CFAP47: variants seen among roughly 807,000 people sequenced by gnomAD.
The protein encoded by CFAP47 is cilia- and flagella-associated protein 47.
Under a neutral mutation model 148.1 loss-of-function variants are expected in CFAP47, and 29 were observed. The ratio of observed to expected loss-of-function variants is 0.20; its 90% confidence interval spans 0.15 to 0.27. CFAP47 has a LOEUF of 0.27. Ranked by LOEUF, CFAP47 falls within the 10% of genes least tolerant of loss-of-function variation. The pLI, the probability that CFAP47 is intolerant of heterozygous loss-of-function variation, is 1.00. For missense variants in CFAP47, 1,872 were observed against 1,697.5 expected (o/e 1.10, Z -1.81); for synonymous variants, 664 against 577.3 (o/e 1.15, Z -2.15).
At chrX:35,949,170 T>TGTGTGTGTGTGTGG (rs1412012648) in intron 4 of CFAP47, among the ~76,000 whole-genome samples, 1 of 109,833 alleles carries the variant, frequency 9.1e-6, no homozygotes, top group Non-Finnish European at 1.9e-5. Flanking sequence ...TGTGTGTGTG[T>TGTGTGTGTGTGTGG]GTGTTCCGGC....
intron 21 of CFAP47, among the ~76,000 whole-genome samples, chrX:36,012,466 C>G (rs892128895): frequency 8.9e-6 from 1 of 111,958 alleles, no homozygotes; most frequent in Admixed American, 9.5e-5. Context: ...ACATATACAC[C>G]ATGGAATACT....
At chrX:36,327,008 A>G (rs966304702) in intron 57 of CFAP47, among the ~76,000 whole-genome samples, 1 of 111,716 alleles carries the variant, frequency 9.0e-6, no homozygotes, top group Admixed American at 9.5e-5. Flanking sequence ...AAATCCTACA[A>G]GAAAATCTAG....
At position 36,188,700 on chromosome X, in the gene CFAP47, T is replaced by G. The variant is rs1385345118; in HGVS notation, c.6175+10T>G. 3.4e-6 allele frequency: 1 copy of G among 295,737 alleles called. No individual in the cohort carries two copies. The highest frequency in any genetic ancestry group is 2.7e-5 in the African/African-American group (1 of 36,494). 24.4% of individuals were successfully genotyped at this position (295,737 alleles called of 1,213,427 possible). A position where few individuals can be genotyped will look rare whatever the true frequency, so the allele number is the denominator to read the frequency against. ...AATGTCTTACATACCTGTGAGTACC[T>G]AAATAAAAGTTTTTATTTGTTTTCA... On this transcript the variant is annotated intron_variant, in intron 41 of 63. Transcript: ENST00000378653.
In CFAP47 at chrX:36,236,080, A is replaced by G; in HGVS notation, c.7158+3A>G. 2 of 473,371 alleles carry G rather than the reference A, an allele frequency of 4.2e-6. No individual in the cohort carries two copies. Among genetic ancestry groups the G allele is most frequent in the South Asian group, 3.5e-5 (1 of 28,620 alleles). 39.0% of individuals were successfully genotyped at this position (473,371 alleles called of 1,213,427 possible). On this transcript the variant is annotated splice_donor_region_variant and intron_variant, in intron 47 of 63. Coordinates refer to ENST00000378653, the MANE Select transcript of CFAP47 (RefSeq NM_001304548.2). ...CTATTTTTGAATGTGTCATTACGGT[A>G]TGAACTCCTTGATATTTTCCCCAGT...
chrX:36,262,489 C>G (rs1940840673), intron 49 of CFAP47, among the ~76,000 whole-genome samples: 1 of 111,976 alleles, frequency 8.9e-6, no homozygotes, highest in East Asian at 2.8e-4. Context: ...GTGCCTGGCT[C>G]ATTTCACTTA....
intron 57 of CFAP47, among the ~76,000 whole-genome samples, chrX:36,346,913 G>T (rs1408114791): frequency 6.3e-5 from 7 of 111,957 alleles, no homozygotes; most frequent in Non-Finnish European, 1.3e-4. Context: ...AAAAGCAATG[G>T]CAACAAAAGC....
intron 39 of CFAP47, among the ~76,000 whole-genome samples, chrX:36,164,450 A>G (rs921093346): frequency 1.8e-5 from 2 of 111,435 alleles, no homozygotes; most frequent in Non-Finnish European, 3.8e-5. Flanking sequence ...TTCAAATTCT[A>G]TCATGTCTTG....
intron 2 of CFAP47, among the ~76,000 whole-genome samples, chrX:35,935,489 T>C (rs1217770617): frequency 9.0e-6 from 1 of 110,907 alleles, no homozygotes; most frequent in Non-Finnish European, 1.9e-5. Flanking sequence ...TTTCCTACAC[T>C]CTTGAATGCC....
intron 37 of CFAP47, among the ~76,000 whole-genome samples, chrX:36,155,388 G>C (rs1482986616): frequency 9.0e-6 from 1 of 111,569 alleles, no homozygotes; most frequent in African/African-American, 3.3e-5. Context: ...TCAATTGGTA[G>C]GCTTCACATT....
intron 46 of CFAP47, among the ~76,000 whole-genome samples, chrX:36,230,771 T>C (rs1294657107): frequency 1.9e-5 from 2 of 107,388 alleles, no homozygotes; most frequent in East Asian, 5.8e-4. Flanking sequence ...TTAATCCATC[T>C]TGAATTAATT....
At chrX:36,002,374 G>A (rs968219329) in intron 21 of CFAP47, among the ~76,000 whole-genome samples, 3 of 110,866 alleles carry the variant, frequency 2.7e-5, no homozygotes, top group African/African-American at 9.8e-5. Flanking sequence ...ATCACCTGAG[G>A]TCAGGAGTTT....
chrX:36,152,720 T>C (rs776630652), intron 37 of CFAP47, among the ~76,000 whole-genome samples: 9 of 111,714 alleles, frequency 8.1e-5, no homozygotes, highest in Admixed American at 3.8e-4. Context: ...TACTTCAGGG[T>C]CTTAATTGGA....
intron 4 of CFAP47, among the ~76,000 whole-genome samples, chrX:35,950,665 C>A (rs189851647): frequency 2.7e-3 from 304 of 111,265 alleles, no homozygotes; most frequent in Admixed American, 4.8e-3. Flanking sequence ...TGAGATCACA[C>A]CCAGGCAGCA....
At chrX:36,218,349 G>T (rs1940179615) in intron 45 of CFAP47, among the ~76,000 whole-genome samples, 1 of 111,642 alleles carries the variant, frequency 9.0e-6, no homozygotes, top group East Asian at 2.8e-4. Context: ...ATGCTATCAA[G>T]CTAGAACTCC....
intron 58 of CFAP47, 68 bp from the exon 59 acceptor site, chrX:36,349,970 A>T (rs1487153185): frequency 1.5e-6 from 1 of 654,983 alleles, no homozygotes; most frequent in Non-Finnish European, 2.3e-6. Context: ...AAGTTAATAA[A>T]TAATAAGCTT....
intron 62 of CFAP47, among the ~76,000 whole-genome samples, chrX:36,374,246 A>G (rs1028495851): frequency 1.8e-5 from 2 of 111,045 alleles, no homozygotes; most frequent in Admixed American, 1.9e-4. Flanking sequence ...CAAGCATTCT[A>G]TTCCTTATTA....
intron 37 of CFAP47, among the ~76,000 whole-genome samples, chrX:36,149,810 C>G (rs758424298): frequency 9.3e-6 from 1 of 107,820 alleles, no homozygotes; most frequent in African/African-American, 3.4e-5. Context: ...GGTTTCACCA[C>G]GTTGGCCAGG....
chrX:35,987,693 A>G (rs1191186115), intron 15 of CFAP47, among the ~76,000 whole-genome samples: 1 of 111,498 alleles, frequency 9.0e-6, no homozygotes, highest in African/African-American at 3.3e-5. Context: ...TGTCTGCCCA[A>G]ATGGCCACCC....
chrX:36,135,436 C>G (rs904829107), intron 33 of CFAP47, among the ~76,000 whole-genome samples: 22 of 111,430 alleles, frequency 2.0e-4, no homozygotes, highest in Non-Finnish European at 3.2e-4. Flanking sequence ...TGACATCCAT[C>G]AAATACAGTA....
Sources: gnomAD v4.1 joint callset for allele counts (sites outside exome capture counted in the v4.1 genomes callset) on GRCh38, gnomAD v4.1.1 for gene constraint, MANE v1.5 for transcripts, NCBI Gene and HGNC (gene_info 2026-07-23, HGNC 2026-07-21) for gene names.